PMFBP1: variants seen among roughly 807,000 people sequenced by gnomAD.
PMFBP1 encodes the protein polyamine modulated factor 1 binding protein 1, also known as polyamine-modulated factor 1-binding protein 1.
Under a neutral mutation model 137.8 loss-of-function variants are expected in PMFBP1, and 131 were observed. The observed-to-expected ratio is 0.95, with a 90% CI of 0.82 to 1.10. The LOEUF is 1.10. Ranked by LOEUF, PMFBP1 falls within the 50% of genes least tolerant of loss-of-function variation. PMFBP1 has a pLI of 0.00. For missense variants in PMFBP1, 1,199 were observed against 1,175.4 expected, an observed-to-expected ratio of 1.02 and a Z score of -0.29; for synonymous variants, 490 against 450.4, an observed-to-expected ratio of 1.09 and a Z score of -1.11.
chr16:72,196,864 T>C, the PMFBP1 span, among the ~76,000 whole-genome samples: 1 of 152,224 alleles, frequency 6.6e-6, no homozygotes, highest in Non-Finnish European at 1.5e-5. Context: ...GTCAGCAAGA[T>C]AATTTTTGAA....
chr16:72,125,487 G>C, intron 15 of PMFBP1, 82 bp from the exon 16 acceptor site: 5 of 1,427,216 alleles, frequency 3.5e-6, no homozygotes, highest in Non-Finnish European at 4.7e-6. Flanking sequence ...GAGGGTTCCA[G>C]TCCCTTCCTG....
chr16:72,160,242 G>C (rs757534170), intron 3 of PMFBP1, among the ~76,000 whole-genome samples: 3 of 152,230 alleles, frequency 2.0e-5, no homozygotes, highest in Non-Finnish European at 4.4e-5. Context: ...GATGCTAATT[G>C]ATTGATGTTA....
chr16:72,151,188 G>A lies in PMFBP1; in HGVS notation c.415-359C>T, dbSNP rs573046741. Among the ~76,000 whole-genome samples, 4 of 152,206 alleles carry A rather than the reference G, an allele frequency of 2.6e-5. No homozygotes were observed. In the South Asian group the frequency reaches 8.3e-4, roughly 32 times the overall value. ...AATGCTGGTATTTTTTCCTTCCCAG[G>A]CATTCTCTAGAGGTTGAACTTAGAA... On this transcript the variant is annotated intron_variant, in intron 4 of 20. Transcript: ENST00000237353.
At chr16:72,180,960 G>A (rs1054781557), upstream of PMFBP1, among the ~76,000 whole-genome samples, 9 of 152,128 alleles carry the variant, frequency 5.9e-5, no homozygotes, top group African/African-American at 1.7e-4. Flanking sequence ...TTAAATACTC[G>A]CCGGGAGCGG....
chr16:72,233,838 T>G, the PMFBP1 span, among the ~76,000 whole-genome samples: 1 of 152,174 alleles, frequency 6.6e-6, no homozygotes, highest in Non-Finnish European at 1.5e-5. Context: ...ATACAATATG[T>G]GGCTTTTGTG....
At chr16:72,238,709 T>C in the PMFBP1 span, among the ~76,000 whole-genome samples, 1 of 152,222 alleles carries the variant, frequency 6.6e-6, no homozygotes, top group Non-Finnish European at 1.5e-5. Flanking sequence ...ACAGGCTTTA[T>C]TGCATAGATA....
the PMFBP1 span, among the ~76,000 whole-genome samples, chr16:72,239,885 C>CAAAAA: frequency 9.4e-3 from 200 of 21,222 alleles, 4 homozygotes; most frequent in African/African-American, 0.017. Flanking sequence ...ACTCCATGTA[C>CAAAAA]AAAAAAAAAA....
intron 3 of PMFBP1, among the ~76,000 whole-genome samples, chr16:72,158,270 G>A (rs553057835): frequency 6.6e-6 from 1 of 152,300 alleles, no homozygotes; most frequent in South Asian, 2.1e-4. Context: ...GTATGTGGCT[G>A]GAGGAAAGTT....
At chr16:72,195,138 T>C in the PMFBP1 span, among the ~76,000 whole-genome samples, 1 of 152,156 alleles carries the variant, frequency 6.6e-6, no homozygotes, top group African/African-American at 2.4e-5. Context: ...GCTGTCAATG[T>C]CTCCAGGGCA....
chr16:72,200,265 C>T, the PMFBP1 span, among the ~76,000 whole-genome samples: 2 of 152,240 alleles, frequency 1.3e-5, no homozygotes, highest in African/African-American at 4.8e-5. Context: ...GGGGGAAGTA[C>T]TATCCTTTAA....
the PMFBP1 span, among the ~76,000 whole-genome samples, chr16:72,228,915 G>T: frequency 8.0e-5 from 12 of 150,812 alleles, no homozygotes; most frequent in East Asian, 2.3e-3. Flanking sequence ...TGAGTAAACT[G>T]GGTGGCATGG....
rs779572265 is a variant in PMFBP1, at chr16:72,164,777, A to T, written c.152T>A (p.Met51Lys). ...CAAGTCCCTTACGTGGCTGCTGTTC[A>T]TTGCCTCCTCCATGCAGAGCTGATT... is the stretch of plus-strand genomic sequence containing the variant. ...QDNQLCMEEA[M>K]NSSHDKKQAQ... The change falls in exon 3 of 21, where the codon ATG becomes AAG. Residue 51 changes from methionine to lysine, a missense_variant. Met to Lys is a moderately conservative substitution (Grantham distance 95, BLOSUM62 -1). Transcript: ENST00000237353. 7 of 1,592,690 alleles carry T rather than the reference A, an allele frequency of 4.4e-6. No individual in the cohort carries two copies. Among genetic ancestry groups the T allele is most frequent in the Non-Finnish European group, 4.3e-6 (5 of 1,163,584 alleles).
At chr16:72,150,473 G>T in intron 5 of PMFBP1, 135 bp downstream of exon 5, 1 of 801,686 alleles carries the variant, frequency 1.2e-6, no homozygotes, top group Non-Finnish European at 2.1e-6. Context: ...AAAGCTGAGG[G>T]CTACAAAATC....
At chr16:72,129,270 G>T (rs1489089372) in intron 12 of PMFBP1, 37 bp from the exon 13 acceptor site, 1 of 1,590,326 alleles carries the variant, frequency 6.3e-7, no homozygotes, top group South Asian at 1.1e-5. Context: ...GACTGTCTTA[G>T]ACTATATTAT....
At chr16:72,243,674 C>T in the PMFBP1 span, among the ~76,000 whole-genome samples, 68 of 152,276 alleles carry the variant, frequency 4.5e-4, 1 homozygote, top group Middle Eastern at 0.01. Context: ...GACTGCCAGT[C>T]CAAGTGGCTC....
the PMFBP1 span, among the ~76,000 whole-genome samples, chr16:72,219,587 G>A: frequency 8.4e-4 from 128 of 152,216 alleles, no homozygotes; most frequent in African/African-American, 3.0e-3. Flanking sequence ...GAAAACATGA[G>A]TGAGGAGATG....
chr16:72,235,172 C>G, the PMFBP1 span, among the ~76,000 whole-genome samples: 11 of 152,034 alleles, frequency 7.2e-5, no homozygotes, highest in African/African-American at 2.7e-4. Flanking sequence ...AGTTTTATTT[C>G]TTACATTTAT....
rs1047093094 is a variant in PMFBP1, at chr16:72,130,253, T to C, written c.1742A>G (p.Asp581Gly). The change falls in exon 12 of 21, where the codon GAT (aspartate) becomes GGT (glycine). Residue 581 changes from aspartate (D) to glycine (G), a missense_variant. Physicochemically the swap from Asp to Gly is moderately conservative, Grantham distance 94. Coordinates refer to ENST00000237353, the MANE Select transcript of PMFBP1 (RefSeq NM_031293.3). The stretch of plus-strand genomic sequence containing the variant: ...ATCAAGCATGTCATTCATTTTCATA[T>C]CCTGCTCAGCCACTGTCTTCTGAAG... ...RQLQKTVAEQ[D>G]MKMNDMLDRI... 4 of 1,614,036 alleles carry C rather than the reference T, an allele frequency of 2.5e-6. No homozygotes were observed. In the African/African-American group the frequency reaches 4.0e-5, roughly 16 times the overall value.
the PMFBP1 span, among the ~76,000 whole-genome samples, chr16:72,201,628 A>G: frequency 1.3e-5 from 2 of 152,248 alleles, no homozygotes; most frequent in African/African-American, 2.4e-5. Flanking sequence ...TTTAACATTG[A>G]AGCAGATCAA....
Sources: allele counts gnomAD v4.1 joint callset (sites outside exome capture counted in the v4.1 genomes callset), GRCh38; gene constraint gnomAD v4.1.1; transcripts MANE v1.5; gene names NCBI Gene and HGNC (gene_info 2026-07-23, HGNC 2026-07-21).